Variants in VEZT observed in about 807,000 individuals in gnomAD.
VEZT encodes the protein vezatin, adherens junctions transmembrane protein.
VEZT carries 39 observed loss-of-function variants against 79.9 expected under a neutral mutation model. That is an observed-to-expected ratio of 0.49 (90% CI 0.38 to 0.64). VEZT has a LOEUF of 0.64. VEZT is among the 30% of genes least tolerant of loss of function. The pLI, the probability that VEZT is intolerant of heterozygous loss-of-function variation, is 0.00. For synonymous variants in VEZT, 325 were observed against 327.6 expected, an observed-to-expected ratio of 0.99 and a Z score of 0.09; for missense variants, 837 against 893.1, an observed-to-expected ratio of 0.94 and a Z score of 0.80.
intron 8 of VEZT, among the ~76,000 whole-genome samples, chr12:95,283,983 T>C (rs1414889124): frequency 3.3e-5 from 5 of 152,312 alleles, no homozygotes; most frequent in African/African-American, 1.2e-4. Flanking sequence ...AAGTAAGTTT[T>C]GGCAATAGAA....
At chr12:95,258,997 A>G (rs1006320500) in intron 3 of VEZT, among the ~76,000 whole-genome samples, 2 of 152,194 alleles carry the variant, frequency 1.3e-5, no homozygotes, top group African/African-American at 2.4e-5. Flanking sequence ...GATCCTGGAA[A>G]GATCTTTATC....
intron 4 of VEZT, 111 bp downstream of exon 4, chr12:95,263,192 C>T: frequency 9.9e-7 from 1 of 1,014,012 alleles, no homozygotes; most frequent in Non-Finnish European, 1.4e-6. Flanking sequence ...ATACATTTAG[C>T]AGTACAATTA....
intron 1 of VEZT, among the ~76,000 whole-genome samples, chr12:95,235,673 C>G (rs1225864696): frequency 1.0e-4 from 14 of 138,498 alleles, no homozygotes; most frequent in African/African-American, 3.9e-4. Context: ...GGGGGGCTGA[C>G]CCCCACCTCC....
chr12:95,274,627 ACCT>A (rs2067265751), intron 6 of VEZT, 112 bp from the exon 7 acceptor site: 12 of 1,132,584 alleles, frequency 1.1e-5, no homozygotes, highest in East Asian at 2.5e-5. Flanking sequence ...ACTGCTGTAA[ACCT>A]CCTCATCCAA....
intron 1 of VEZT, among the ~76,000 whole-genome samples, chr12:95,222,595 T>C (rs1407629442): frequency 6.6e-6 from 1 of 152,210 alleles, no homozygotes; most frequent in Non-Finnish European, 1.5e-5. Flanking sequence ...CCTTCAGCTG[T>C]ATTTTTCTTC....
intron 1 of VEZT, among the ~76,000 whole-genome samples, chr12:95,219,804 C>T (rs1046739045): frequency 2.2e-4 from 33 of 152,170 alleles, no homozygotes; most frequent in Admixed American, 9.8e-4. Flanking sequence ...TTAACAGTTT[C>T]CTTTAATCTT....
chr12:95,268,683 T>G (rs973980390), intron 5 of VEZT, among the ~76,000 whole-genome samples: 1 of 152,128 alleles, frequency 6.6e-6, no homozygotes, highest in Non-Finnish European at 1.5e-5. Flanking sequence ...TAGACATGAT[T>G]TACCTTCCAG....
At chr12:95,277,017 C>T (rs78419184) in intron 7 of VEZT, among the ~76,000 whole-genome samples, 1,620 of 152,094 alleles carry the variant, frequency 0.011, 29 homozygotes, top group African/African-American at 0.037. Context: ...TATCCACCCC[C>T]GCCCCCGCAC....
intron 10 of VEZT, among the ~76,000 whole-genome samples, chr12:95,294,919 A>G (rs537961898): frequency 6.6e-6 from 1 of 152,266 alleles, no homozygotes; most frequent in South Asian, 2.1e-4. Context: ...CAGATACTTT[A>G]TTTAAACTTT....
At chr12:95,267,462 T>C (rs2065752024) in intron 5 of VEZT, among the ~76,000 whole-genome samples, 1 of 152,194 alleles carries the variant, frequency 6.6e-6, no homozygotes, top group South Asian at 2.1e-4. Flanking sequence ...AGTAAGCATA[T>C]GGTGAAGAAC....
chr12:95,302,290 G>T lies in VEZT; in HGVS notation c.*1617G>T, dbSNP rs895953360. 6 of 152,062 alleles carry T rather than the reference G, an allele frequency of 3.9e-5. No individual in the cohort carries two copies. The highest frequency in any genetic ancestry group is 1.4e-4 in the African/African-American group (6 of 41,418). The allele number at this position is 152,062 out of a possible 1,614,324, so 9.4% of individuals were successfully genotyped here. ...TTTAATAATTTTTAATTCTTTTATT[G>T]TATGTTACTTTTATTACACCAGTTT... On this transcript the variant is annotated 3_prime_UTR_variant, in exon 12 of 12. Coordinates refer to ENST00000436874, the MANE Select transcript of VEZT (RefSeq NM_017599.4).
rs147576035 is a variant in VEZT at position 95,258,359 on chromosome 12, T to C, written c.258+1120T>C. The C allele has an allele frequency of 1.8e-4, 81 of 441,186 alleles. No individual in the cohort carries two copies. In the East Asian group the frequency reaches 4.8e-3, roughly 26 times the overall value. The allele number at this position is 441,186 out of a possible 1,614,324, so 27.3% of individuals were successfully genotyped here. ...CTAGGCCTGGTCTTTTCATTCTTGA[T>C]TCTGTGTCACTGGCCACATGTTTCA... On this transcript the variant is annotated intron_variant, in intron 3 of 11. Coordinates refer to ENST00000436874, the MANE Select transcript of VEZT (RefSeq NM_017599.4).
At chr12:95,253,548 T>A (rs1198610944) in intron 2 of VEZT, among the ~76,000 whole-genome samples, 1 of 152,164 alleles carries the variant, frequency 6.6e-6, no homozygotes, top group Non-Finnish European at 1.5e-5. Context: ...TAAGCTTGGA[T>A]TTGAGGTTAC....
chr12:95,240,076 G>GGAAGAA (rs1270192553), intron 1 of VEZT, among the ~76,000 whole-genome samples: 3 of 140,216 alleles, frequency 2.1e-5, no homozygotes, highest in African/African-American at 7.9e-5. Flanking sequence ...AAGGAAGGAA[G>GGAAGAA]AAAAGAAAGA....
chr12:95,221,929 A>G (rs2057672535), intron 1 of VEZT, among the ~76,000 whole-genome samples: 1 of 152,228 alleles, frequency 6.6e-6, no homozygotes, highest in Non-Finnish European at 1.5e-5. Flanking sequence ...TTCACATTGT[A>G]TTAGGTATTA....
chr12:95,287,993 TG>T (rs2063789622), intron 9 of VEZT, 136 bp downstream of exon 9: 2 of 648,284 alleles, frequency 3.1e-6, no homozygotes, highest in Admixed American at 7.2e-5. Context: ...TTTTTAATGT[TG>T]AATTTATATG....
chr12:95,280,944 T>A (rs944857488), intron 7 of VEZT, among the ~76,000 whole-genome samples: 7 of 151,872 alleles, frequency 4.6e-5, no homozygotes, highest in African/African-American at 1.2e-4. Context: ...AAAAAAAAAA[T>A]AAGTTAATGG....
At chr12:95,276,598 A>G (rs2067833316) in intron 7 of VEZT, among the ~76,000 whole-genome samples, 1 of 152,028 alleles carries the variant, frequency 6.6e-6, no homozygotes, top group African/African-American at 2.4e-5. Context: ...ACATTGATCC[A>G]AATGTCTTAA....
rs760905525 is a variant in VEZT at position 95,301,755 on chromosome 12, C to G, written c.*1082C>G. On this transcript the variant is annotated 3_prime_UTR_variant, in exon 12 of 12. Transcript: ENST00000436874. ...GGGGGAAATGTAGTAATAACTCAAT[C>G]TATGTTGCTGTCCTAGAAAGGAAAT... 4 of 152,166 alleles carry G rather than the reference C, an allele frequency of 2.6e-5. No individual in the cohort carries two copies. The highest frequency in any genetic ancestry group is 5.9e-5 in the Non-Finnish European group (4 of 68,022). 9.4% of individuals were successfully genotyped at this position (152,166 alleles called of 1,614,324 possible). A position where few individuals can be genotyped will look rare whatever the true frequency, so the allele number is the denominator to read the frequency against.
Sources: allele counts gnomAD v4.1 joint callset (sites outside exome capture counted in the v4.1 genomes callset), GRCh38; gene constraint gnomAD v4.1.1; transcripts MANE v1.5; gene names NCBI Gene and HGNC (gene_info 2026-07-23, HGNC 2026-07-21).